ANKRD26: variants seen among roughly 807,000 people sequenced by gnomAD.
The protein encoded by ANKRD26 is ankyrin repeat domain 26.
ANKRD26 carries 141 observed loss-of-function variants against 208.7 expected under a neutral mutation model. The observed-to-expected ratio is 0.68, with a 90% CI of 0.59 to 0.78. ANKRD26 has a LOEUF of 0.78. Ranked by LOEUF, ANKRD26 falls within the 30% of genes least tolerant of loss-of-function variation. ANKRD26 has a pLI of 0.00. For synonymous variants in ANKRD26, 636 were observed against 660.4 expected (o/e 0.96, Z 0.57); for missense variants, 1,889 against 1,938.7 (o/e 0.97, Z 0.48).
At chr10:27,000,472 T>C (rs1221378735), downstream of ANKRD26, among the ~76,000 whole-genome samples, 1 of 152,186 alleles carries the variant, frequency 6.6e-6, no homozygotes, top group Non-Finnish European at 1.5e-5. Flanking sequence ...ATACTGTCAC[T>C]ATTACAGATA....
chr10:26,950,408 GTTTC>G, the ANKRD26 span, among the ~76,000 whole-genome samples: 2 of 152,002 alleles, frequency 1.3e-5, no homozygotes, highest in Non-Finnish European at 2.9e-5. Flanking sequence ...GTCTCAGGTA[GTTTC>G]TTTATAGCAG....
rs750585972 is a variant in ANKRD26, at chr10:27,060,429, T to G, written c.1492-12A>C. 6.2e-7 allele frequency: 1 copy of G among 1,605,218 alleles called. No homozygotes were observed. The highest frequency in any genetic ancestry group is 8.5e-7 in the Non-Finnish European group (1 of 1,172,232). ...ATTTCAATGGTAGGCTGAATGGGTT[T>G]TGAAACAAAATGATTAATAAATAAT... is the stretch of plus-strand genomic sequence containing the variant. On this transcript the variant is annotated splice_polypyrimidine_tract_variant and intron_variant, in intron 14 of 33. Transcript: ENST00000376087.
At chr10:27,014,100 A>G (rs1237381792) in intron 31 of ANKRD26, among the ~76,000 whole-genome samples, 1 of 152,166 alleles carries the variant, frequency 6.6e-6, no homozygotes, top group Non-Finnish European at 1.5e-5. Flanking sequence ...AGTAGTAGTG[A>G]TACTTGACCC....
chr10:26,998,969 G>A (rs568514101), intron 4 of ANKRD26, among the ~76,000 whole-genome samples: 1 of 152,278 alleles, frequency 6.6e-6, no homozygotes, highest in South Asian at 2.1e-4. Flanking sequence ...AGGTGGGGGA[G>A]GCACCAAGAG....
chr10:26,988,283 C>T (rs1017158959), downstream of ANKRD26, among the ~76,000 whole-genome samples: 1 of 152,118 alleles, frequency 6.6e-6, no homozygotes, highest in African/African-American at 2.4e-5. Flanking sequence ...ATACTCAGTT[C>T]TTTGATGGAG....
chr10:26,995,428 C>T (rs1480832070), intron 4 of ANKRD26, among the ~76,000 whole-genome samples: 1 of 152,132 alleles, frequency 6.6e-6, no homozygotes, highest in Non-Finnish European at 1.5e-5. Context: ...CTACAGTTCT[C>T]TGATGGTCAT....
rs1379331505 is a variant in ANKRD26 at position 27,005,133 on chromosome 10, T to C, written c.*457A>G. The C allele has an allele frequency of 2.0e-6, 2 of 985,842 alleles. No individual in the cohort carries two copies. Among genetic ancestry groups the C allele is most frequent in the Admixed American group, 6.1e-5 (1 of 16,312 alleles). The allele number at this position is 985,842 out of a possible 1,614,324, so 61.1% of individuals were successfully genotyped here. On this transcript the variant is annotated 3_prime_UTR_variant, in exon 34 of 34. Coordinates refer to ENST00000376087, the MANE Select transcript of ANKRD26 (RefSeq NM_014915.3). ...TTGTTTCTCCCTGAGAACAGCTATATAAATCAGTGCTTAAAATTAAAATTA... is the reference window on the plus strand; with the variant it reads ...TTGTTTCTCCCTGAGAACAGCTATACAAATCAGTGCTTAAAATTAAAATTA...
intron 32 of ANKRD26, among the ~76,000 whole-genome samples, chr10:27,011,256 G>C (rs1186115304): frequency 6.6e-6 from 1 of 152,110 alleles, no homozygotes; most frequent in African/African-American, 2.4e-5. Flanking sequence ...AATGTTTTAT[G>C]CTTCTTGTAA....
intron 9 of ANKRD26, among the ~76,000 whole-genome samples, chr10:27,073,327 G>A (rs1421921261): frequency 6.6e-6 from 1 of 152,184 alleles, no homozygotes; most frequent in Non-Finnish European, 1.5e-5. Flanking sequence ...TGATGTGCGT[G>A]CATCTGTAGA....
chr10:27,052,157 A>T lies in ANKRD26; in HGVS notation c.1635+1163T>A, dbSNP rs1451843477. ...AAATAACTTTATCCTTGAGTAATCAAGTACGGACAAAGAAAAATTAGGAAA... is the reference window on the plus strand; with the variant it reads ...AAATAACTTTATCCTTGAGTAATCATGTACGGACAAAGAAAAATTAGGAAA... On this transcript the variant is annotated intron_variant, in intron 16 of 33. Coordinates refer to ENST00000376087, the MANE Select transcript of ANKRD26 (RefSeq NM_014915.3). 11 of 980,358 alleles carry T rather than the reference A, an allele frequency of 1.1e-5. No homozygotes were observed. The Admixed American group carries it at 6.8e-4, about 60-fold the overall frequency. The allele number at this position is 980,358 out of a possible 1,614,324, so 60.7% of individuals were successfully genotyped here.
chr10:27,061,196 C>T lies in ANKRD26; in HGVS notation c.1410G>A (p.Lys470=). Residue 470 remains lysine, a synonymous_variant, in exon 13 of 34, where the codon AAG becomes AAA. Coordinates refer to ENST00000376087, the MANE Select transcript of ANKRD26 (RefSeq NM_014915.3). Reference sequence around the variant, plus strand: ...TTCTTGTATCCTCTAGTTTAGCCATCTTAAAGTTTCTTGATCCACTCATGC... The same window carrying T: ...TTCTTGTATCCTCTAGTTTAGCCATTTTAAAGTTTCTTGATCCACTCATGC... ...PSCMSGSRNF[K]MAKLEDTRNV... 1 of 1,612,454 alleles carries T rather than the reference C, an allele frequency of 6.2e-7. No individual in the cohort carries two copies. The highest frequency in any genetic ancestry group is 8.5e-7 in the Non-Finnish European group (1 of 1,178,900).
Position 27,060,543 on chromosome 10 carries a change from A to G in ANKRD26, c.1463-3T>C. On this transcript the variant is annotated splice_polypyrimidine_tract_variant and splice_region_variant and intron_variant, in intron 13 of 33. Coordinates refer to ENST00000376087, the MANE Select transcript of ANKRD26 (RefSeq NM_014915.3). ...GTGAAGATATCTCTCAGGAGACTCTAAAAACCAAAAGGGACATATAATCAA... is the reference window on the plus strand; with the variant it reads ...GTGAAGATATCTCTCAGGAGACTCTGAAAACCAAAAGGGACATATAATCAA... 6.6e-7 allele frequency: 1 copy of G among 1,525,400 alleles called. No individual in the cohort carries two copies. The highest frequency in any genetic ancestry group is 1.1e-5 in the South Asian group (1 of 88,270). The allele number at this position is 1,525,400 out of a possible 1,614,324, so 94.5% of individuals were successfully genotyped here. A position where few individuals can be genotyped will look rare whatever the true frequency, so the allele number is the denominator to read the frequency against.
intron 9 of ANKRD26, among the ~76,000 whole-genome samples, chr10:27,074,030 A>C (rs573935015): frequency 7.2e-5 from 11 of 152,308 alleles, no homozygotes; most frequent in Middle Eastern, 3.4e-3. Flanking sequence ...AAACCCAGTC[A>C]AATCAAAAAT....
At chr10:27,007,617 C>T (rs1362330843) in intron 32 of ANKRD26, among the ~76,000 whole-genome samples, 2 of 152,296 alleles carry the variant, frequency 1.3e-5, no homozygotes, top group East Asian at 3.9e-4. Flanking sequence ...GATTGCACCA[C>T]TGCACTCCAG....
intron 7 of ANKRD26, among the ~76,000 whole-genome samples, chr10:27,078,040 T>C (rs2055763070): frequency 6.6e-6 from 1 of 152,204 alleles, no homozygotes; most frequent in African/African-American, 2.4e-5. Flanking sequence ...CATTAAAACA[T>C]TTAAATTAAT....
intron 21 of ANKRD26, among the ~76,000 whole-genome samples, 180 bp downstream of exon 21, chr10:27,039,785 T>C (rs1342823803): frequency 6.6e-6 from 1 of 152,162 alleles, no homozygotes; most frequent in African/African-American, 2.4e-5. Flanking sequence ...TAAAAGAATA[T>C]ATATTTAGTA....
At chr10:27,055,809 T>G (rs1042297335) in intron 15 of ANKRD26, among the ~76,000 whole-genome samples, 42 of 152,028 alleles carry the variant, frequency 2.8e-4, no homozygotes, top group Admixed American at 2.0e-4. Flanking sequence ...CCATAGAAAT[T>G]ATAAGAAATA....
rs547592204 is a variant in ANKRD26, at chr10:27,048,836, C to T, written c.1779G>A (p.Gln593=). The T allele has an allele frequency of 2.7e-5, 43 of 1,613,178 alleles. No homozygotes were observed. In the South Asian group the frequency reaches 4.2e-4, roughly 16 times the overall value. Residue 593 remains glutamine (Q), a synonymous_variant, in exon 17 of 34, where the codon CAG becomes CAA. Coordinates refer to ENST00000376087, the MANE Select transcript of ANKRD26 (RefSeq NM_014915.3). ...QKRKSGETDH[Q]QFPRKENKEY... is the part of the protein sequence containing the mutation. Reference sequence around the variant, plus strand: ...CTTTATTTTCCTTCCTGGGAAATTGCTGATGATCAGTTTCTCCACTCTTTC... The same window carrying T: ...CTTTATTTTCCTTCCTGGGAAATTGTTGATGATCAGTTTCTCCACTCTTTC...
At chr10:27,025,634 C>T (rs1188447734) in intron 27 of ANKRD26, among the ~76,000 whole-genome samples, 1 of 152,168 alleles carries the variant, frequency 6.6e-6, no homozygotes, top group African/African-American at 2.4e-5. Flanking sequence ...TACTTCTCAG[C>T]AGCAACTACT....
Sources: gnomAD v4.1 joint callset for allele counts (sites outside exome capture counted in the v4.1 genomes callset) on GRCh38, gnomAD v4.1.1 for gene constraint, MANE v1.5 for transcripts, NCBI Gene and HGNC (gene_info 2026-07-23, HGNC 2026-07-21) for gene names.